Variants in AGBL4 observed in about 807,000 individuals in gnomAD.
AGBL4 encodes cytosolic carboxypeptidase 6.
AGBL4 carries 58 observed loss-of-function variants against 66.4 expected under a neutral mutation model. The observed-to-expected ratio is 0.87, with a 90% CI of 0.71 to 1.09. AGBL4 has a LOEUF of 1.09. AGBL4 is among the 50% of genes least tolerant of loss of function. The probability of loss-of-function intolerance (pLI) is 0.00; values close to 1 mark genes in which losing one functional copy is unlikely to be tolerated. For missense variants in AGBL4, 579 were observed against 631.0 expected (o/e 0.92, Z 0.88); for synonymous variants, 234 against 222.9 (o/e 1.05, Z -0.44).
At chr1:48,646,185 T>A (rs1645832104) in intron 8 of AGBL4, among the ~76,000 whole-genome samples, 1 of 152,200 alleles carries the variant, frequency 6.6e-6, no homozygotes, top group East Asian at 1.9e-4. Context: ...AGAGGGGGCA[T>A]GGCCTGGATC....
intron 3 of AGBL4, among the ~76,000 whole-genome samples, chr1:49,319,670 G>T (rs569248489): frequency 1.3e-5 from 2 of 152,094 alleles, no homozygotes; most frequent in African/African-American, 4.8e-5. Flanking sequence ...GTTTTATACT[G>T]CTATAAATAT....
chr1:49,371,508 G>A (rs1424596458), intron 3 of AGBL4, among the ~76,000 whole-genome samples: 1 of 152,092 alleles, frequency 6.6e-6, no homozygotes, highest in Non-Finnish European at 1.5e-5. Flanking sequence ...TAGTGGGAGT[G>A]CAGTAAACTC....
At chr1:48,583,529 C>T (rs1382337287) in intron 11 of AGBL4, among the ~76,000 whole-genome samples, 1 of 152,194 alleles carries the variant, frequency 6.6e-6, no homozygotes, top group East Asian at 1.9e-4. Flanking sequence ...CATAATACCA[C>T]ATCTATACTT....
intron 2 of AGBL4, among the ~76,000 whole-genome samples, chr1:49,772,215 G>T (rs1354549307): frequency 6.6e-6 from 1 of 152,056 alleles, no homozygotes; most frequent in Admixed American, 6.5e-5. Context: ...ACTATTTTAA[G>T]CTGATACTGC....
intron 5 of AGBL4, among the ~76,000 whole-genome samples, chr1:48,962,103 A>G (rs1479765710): frequency 6.8e-6 from 1 of 146,038 alleles, no homozygotes; most frequent in African/African-American, 2.7e-5. Context: ...GATCCCATCC[A>G]TCCATCCATC....
At chr1:49,013,173 A>G (rs1662576314) in intron 5 of AGBL4, among the ~76,000 whole-genome samples, 1 of 152,248 alleles carries the variant, frequency 6.6e-6, no homozygotes, top group Non-Finnish European at 1.5e-5. Context: ...GAAACAGAAT[A>G]AGACAGTGAG....
intron 3 of AGBL4, among the ~76,000 whole-genome samples, chr1:49,290,987 A>G (rs1644522023): frequency 6.6e-6 from 1 of 152,198 alleles, no homozygotes; most frequent in African/African-American, 2.4e-5. Flanking sequence ...CAGAATGGGC[A>G]ACAGAGCGAG....
intron 3 of AGBL4, among the ~76,000 whole-genome samples, chr1:49,495,147 C>T (rs1647424436): frequency 6.6e-6 from 1 of 151,980 alleles, no homozygotes; most frequent in Non-Finnish European, 1.5e-5. Context: ...AGTACACTAA[C>T]GTCTAATTAT....
intron 3 of AGBL4, among the ~76,000 whole-genome samples, chr1:49,663,726 A>G (rs1646312186): frequency 6.6e-6 from 1 of 152,224 alleles, no homozygotes; most frequent in East Asian, 1.9e-4. Context: ...ATAAGATATG[A>G]CAGTAGAAAT....
At chr1:49,629,789 G>A (rs867238229) in intron 3 of AGBL4, among the ~76,000 whole-genome samples, 2 of 152,032 alleles carry the variant, frequency 1.3e-5, no homozygotes, top group Admixed American at 1.3e-4. Flanking sequence ...ATAGTATTAC[G>A]GGGTCCTCCC....
chr1:49,305,791 A>G (rs1416959521), intron 3 of AGBL4, among the ~76,000 whole-genome samples: 1 of 152,064 alleles, frequency 6.6e-6, no homozygotes, highest in African/African-American at 2.4e-5. Context: ...CCTGGGTTCA[A>G]GCAATTCTCC....
chr1:48,673,903 T>C (rs1356762054), intron 6 of AGBL4, among the ~76,000 whole-genome samples: 1 of 152,202 alleles, frequency 6.6e-6, no homozygotes, highest in East Asian at 1.9e-4. Flanking sequence ...CCATTGCATG[T>C]TGTCTGAACA....
intron 2 of AGBL4, among the ~76,000 whole-genome samples, chr1:49,698,535 T>TTA (rs1379688807): frequency 6.6e-6 from 1 of 152,020 alleles, no homozygotes. Flanking sequence ...TTACCCAAAG[T>TTA]TATACAGCAA....
chr1:50,016,169 C>A (rs1280764086), intron 1 of AGBL4, among the ~76,000 whole-genome samples: 1 of 152,210 alleles, frequency 6.6e-6, no homozygotes, highest in Non-Finnish European at 1.5e-5. Context: ...GCAAAAGAAA[C>A]TATCAACAGA....
chr1:49,845,114 C>T, intron 2 of AGBL4: 1 of 1,444,812 alleles, frequency 6.9e-7, no homozygotes, highest in African/African-American at 1.4e-5. Flanking sequence ...AGTCACAGCT[C>T]AGCACTTACC....
chr1:48,526,204 C>T, the AGBL4 span, among the ~76,000 whole-genome samples: 3 of 152,044 alleles, frequency 2.0e-5, no homozygotes, highest in African/African-American at 7.2e-5. Context: ...TTTTTATAAC[C>T]AGCATTAAAT....
intron 1 of AGBL4, among the ~76,000 whole-genome samples, chr1:49,931,477 A>C (rs942098851): frequency 2.0e-5 from 3 of 152,150 alleles, no homozygotes; most frequent in Non-Finnish European, 4.4e-5. Flanking sequence ...ACATGGTAGC[A>C]GAAGAGAGAG....
intron 6 of AGBL4, among the ~76,000 whole-genome samples, chr1:48,680,699 G>C (rs1046809783): frequency 6.6e-6 from 1 of 152,242 alleles, no homozygotes; most frequent in African/African-American, 2.4e-5. Context: ...CGGCTCTGGG[G>C]ATTTGGCACC....
At chr1:49,445,553 T>A (rs557056812) in intron 3 of AGBL4, among the ~76,000 whole-genome samples, 1 of 152,238 alleles carries the variant, frequency 6.6e-6, no homozygotes, top group Admixed American at 6.5e-5. Flanking sequence ...TTCTTTTCTT[T>A]CTTTTTTCTT....
Sources: gnomAD v4.1 joint callset for allele counts (sites outside exome capture counted in the v4.1 genomes callset) on GRCh38, gnomAD v4.1.1 for gene constraint, MANE v1.5 for transcripts, NCBI Gene and HGNC (gene_info 2026-07-23, HGNC 2026-07-21) for gene names.